TRERF1: variants seen among roughly 807,000 people sequenced by gnomAD.
TRERF1 encodes transcriptional regulating factor 1, also known as transcriptional-regulating factor 1.
In TRERF1, 27 loss-of-function variants were observed where a neutral mutation model predicts 122.9. The observed-to-expected ratio is 0.22, with a 90% CI of 0.16 to 0.30. TRERF1 has a LOEUF of 0.30. Ranked by LOEUF, TRERF1 falls within the 10% of genes least tolerant of loss-of-function variation. TRERF1 has a pLI of 1.00. For synonymous variants in TRERF1, 636 were observed against 641.7 expected (o/e 0.99, Z 0.13); for missense variants, 1,248 against 1,560.3 (o/e 0.80, Z 3.37).
At chr6:42,321,071 A>G (rs960826187) in intron 3 of TRERF1, among the ~76,000 whole-genome samples, 1 of 151,150 alleles carries the variant, frequency 6.6e-6, no homozygotes, top group Non-Finnish European at 1.5e-5. Flanking sequence ...AAAGGGGGGA[A>G]TTTTATAAAA....
At chr6:42,344,614 G>A (rs568393860) in intron 3 of TRERF1, among the ~76,000 whole-genome samples, 235 of 152,202 alleles carry the variant, frequency 1.5e-3, no homozygotes, top group African/African-American at 5.4e-3. Flanking sequence ...GCATCTGGGC[G>A]GTTCCTGCCC....
At chr6:42,407,749 T>C (rs761397552) in intron 2 of TRERF1, among the ~76,000 whole-genome samples, 10 of 151,824 alleles carry the variant, frequency 6.6e-5, no homozygotes, top group Non-Finnish European at 8.8e-5. Flanking sequence ...CCATGACATA[T>C]TTACAATTTT....
intron 2 of TRERF1, among the ~76,000 whole-genome samples, chr6:42,383,677 C>T (rs904465401): frequency 3.9e-5 from 6 of 152,110 alleles, no homozygotes; most frequent in African/African-American, 1.4e-4. Flanking sequence ...TGATCCATCC[C>T]ACTCACCAAA....
At chr6:42,327,303 G>A (rs1407329943) in intron 3 of TRERF1, among the ~76,000 whole-genome samples, 1 of 152,208 alleles carries the variant, frequency 6.6e-6, no homozygotes, top group Non-Finnish European at 1.5e-5. Context: ...CCAACCCAGA[G>A]GAGGAGCTGG....
intron 2 of TRERF1, among the ~76,000 whole-genome samples, chr6:42,431,981 C>T (rs1011353652): frequency 4.6e-5 from 7 of 152,276 alleles, no homozygotes; most frequent in Admixed American, 2.0e-4. Flanking sequence ...TAAATGAGAA[C>T]GATGAGCTCA....
At chr6:42,364,418 T>C (rs1271732815) in intron 2 of TRERF1, among the ~76,000 whole-genome samples, 1 of 152,208 alleles carries the variant, frequency 6.6e-6, no homozygotes, top group African/African-American at 2.4e-5. Context: ...CTTTCCCCAC[T>C]TCCCTTAGAC....
intron 3 of TRERF1, among the ~76,000 whole-genome samples, chr6:42,346,087 A>G (rs1768218798): frequency 2.0e-5 from 3 of 152,256 alleles, no homozygotes; most frequent in African/African-American, 7.2e-5. Context: ...GTGTAATGAG[A>G]GTTCTAAGAA....
Position 42,236,360 on chromosome 6 carries a change from C to A in TRERF1, c.2911G>T (p.Glu971Ter). 1.3e-6 allele frequency: 2 copies of A among 1,570,410 alleles called. No homozygotes were observed. Among genetic ancestry groups the A allele is most frequent in the Non-Finnish European group, 1.7e-6 (2 of 1,157,436 alleles). Residue 971 changes from glutamate to a stop codon, truncating the protein, a stop_gained, in exon 16 of 18, where the codon GAA (glutamate) becomes TAA (stop). Transcript: ENST00000372922. LOFTEE classifies it high-confidence loss of function. ...TCTTCTTTTGTGGATTTCCTATCTT[C>A]TTCCGGGTCCTCCTCCTCCTCCTCC...
intron 3 of TRERF1, among the ~76,000 whole-genome samples, chr6:42,320,604 G>T (rs184367673): frequency 6.8e-6 from 1 of 148,040 alleles, no homozygotes; most frequent in East Asian, 2.0e-4. Context: ...CTCCTCCCAG[G>T]TTCAAGCAAT....
intron 2 of TRERF1, among the ~76,000 whole-genome samples, chr6:42,409,169 C>T (rs1219809501): frequency 6.6e-6 from 1 of 152,076 alleles, no homozygotes; most frequent in African/African-American, 2.4e-5. Flanking sequence ...GTCCCAGCTA[C>T]TCAAGAGGCT....
intron 2 of TRERF1, among the ~76,000 whole-genome samples, chr6:42,439,646 G>A (rs1022638339): frequency 3.3e-5 from 5 of 152,134 alleles, no homozygotes; most frequent in Admixed American, 1.3e-4. Context: ...AAGGGACTCC[G>A]AGGGCACCCT....
Position 42,228,858 on chromosome 6 carries a change from G to A in TRERF1, c.3279-189C>T, listed in dbSNP as rs1769960432. ...CTCCAAGCATTACAAGGAAAGGGAT[G>A]GGGACAGAACACACCTACTGTGCCT... On this transcript the variant is annotated intron_variant, in intron 17 of 17. Transcript: ENST00000372922. This position sits in a 1 kb window ranked among gnomAD's most constrained non-coding sequence, Gnocchi z 4.2. Among the ~76,000 whole-genome samples, 1 of 152,100 alleles carries A rather than the reference G, an allele frequency of 6.6e-6. No individual in the cohort carries two copies. The highest frequency in any genetic ancestry group is 1.5e-5 in the Non-Finnish European group (1 of 68,008).
chr6:42,379,851 ATGT>A (rs1378613455), intron 2 of TRERF1, among the ~76,000 whole-genome samples: 1 of 152,224 alleles, frequency 6.6e-6, no homozygotes, highest in East Asian at 1.9e-4. Flanking sequence ...TGTGCCAGGC[ATGT>A]TGTAGGTTCT....
intron 2 of TRERF1, among the ~76,000 whole-genome samples, chr6:42,415,620 AT>A (rs1311951717): frequency 6.6e-6 from 1 of 152,060 alleles, no homozygotes; most frequent in Non-Finnish European, 1.5e-5. Flanking sequence ...AAGATCCTAT[AT>A]TTTTCCATAC....
At chr6:42,288,719 CTG>C (rs1293310548) in intron 4 of TRERF1, among the ~76,000 whole-genome samples, 1 of 151,706 alleles carries the variant, frequency 6.6e-6, no homozygotes, top group East Asian at 1.9e-4. Flanking sequence ...GTGCAGAAAA[CTG>C]TATTCCAGAT....
chr6:42,255,021 G>A, intron 12 of TRERF1, 95 bp from the exon 13 acceptor site: 1 of 1,290,430 alleles, frequency 7.7e-7, no homozygotes, highest in South Asian at 1.2e-5. Flanking sequence ...GGTTAGCACT[G>A]TGGAGGTCAG....
intron 16 of TRERF1, among the ~76,000 whole-genome samples, chr6:42,233,252 G>A (rs4714585): frequency 0.94 from 142,453 of 151,362 alleles, 67,134 homozygotes; most frequent in East Asian, 1. Flanking sequence ...TTCCATCTGA[G>A]GAATGAGAGG....
chr6:42,318,545 G>A (rs1472428768), intron 3 of TRERF1, among the ~76,000 whole-genome samples: 1 of 152,218 alleles, frequency 6.6e-6, no homozygotes, highest in East Asian at 1.9e-4. Flanking sequence ...TGGAAGTAAA[G>A]GAAATGTGGG....
At chr6:42,382,504 T>C (rs536736001) in intron 2 of TRERF1, among the ~76,000 whole-genome samples, 1 of 151,544 alleles carries the variant, frequency 6.6e-6, no homozygotes, top group African/African-American at 2.4e-5. Flanking sequence ...TCTGAAAAGT[T>C]AGGACACAGG....
Sources: allele counts gnomAD v4.1 joint callset (sites outside exome capture counted in the v4.1 genomes callset), GRCh38; gene constraint gnomAD v4.1.1; non-coding constraint Gnocchi (gnomAD v3.1); transcripts MANE v1.5; gene names NCBI Gene and HGNC (gene_info 2026-07-23, HGNC 2026-07-21).